The following PPP1R42 variants were observed in gnomAD, a reference collection of about 807,000 sequenced individuals.
PPP1R42 encodes the protein leucine rich repeat containing 67.
A neutral mutation model predicts 31.0 loss-of-function variants in PPP1R42; 34 were observed. The observed-to-expected ratio is 1.10, with a 90% CI of 0.83 to 1.46. PPP1R42 has a LOEUF of 1.46. PPP1R42 is among the 40% of genes most tolerant of loss of function. The pLI, the probability that PPP1R42 is intolerant of heterozygous loss-of-function variation, is 0.00. For missense variants in PPP1R42, 268 were observed against 303.0 expected (o/e 0.88, Z 0.86); for synonymous variants, 103 against 109.8 (o/e 0.94, Z 0.39).
intron 7 of PPP1R42, chr8:66,970,898 G>T: frequency 1.0e-6 from 1 of 979,954 alleles, no homozygotes; most frequent in Non-Finnish European, 1.6e-6. Flanking sequence ...AGATTGGATG[G>T]CCTCTGTTCC....
intron 5 of PPP1R42, among the ~76,000 whole-genome samples, chr8:66,996,024 A>G (rs892930771): frequency 2.2e-4 from 33 of 152,132 alleles, no homozygotes; most frequent in African/African-American, 7.5e-4. Context: ...TTATACTAAC[A>G]TTGTTAATTA....
Position 66,971,081 on chromosome 8 carries a change from T to C in PPP1R42, c.803-6747A>G, listed in dbSNP as rs780289622. On this transcript the variant is annotated intron_variant, in intron 7 of 7. Coordinates refer to ENST00000685739, the MANE Select transcript of PPP1R42 (RefSeq NM_001364910.1). The stretch of plus-strand genomic sequence containing the variant: ...TGTATTTCAGAGAAAAAGGCTAATT[T>C]TGGCTTACCCACCTGTGGGTAATAA... 9 of 1,534,438 alleles carry C rather than the reference T, an allele frequency of 5.9e-6. No individual in the cohort carries two copies. In the South Asian group the frequency reaches 1.1e-4, roughly 18 times the overall value.
At chr8:67,003,704 C>T (rs1431567779) in intron 5 of PPP1R42, among the ~76,000 whole-genome samples, 2 of 152,142 alleles carry the variant, frequency 1.3e-5, no homozygotes, top group Admixed American at 6.5e-5. Context: ...AATGTGTCCC[C>T]CAAAGTTCAT....
chr8:66,983,070 G>A (rs1387821032), intron 6 of PPP1R42, among the ~76,000 whole-genome samples: 1 of 151,812 alleles, frequency 6.6e-6, no homozygotes, highest in East Asian at 1.9e-4. Flanking sequence ...GATAGAAATT[G>A]CGCTTCATAA....
At chr8:66,964,547 G>T (rs1228984624) in intron 7 of PPP1R42, among the ~76,000 whole-genome samples, 1 of 152,128 alleles carries the variant, frequency 6.6e-6, no homozygotes, top group African/African-American at 2.4e-5. Context: ...TCTATGATTT[G>T]TGAGAGGTAT....
At chr8:66,976,798 C>T (rs1814688999) in intron 7 of PPP1R42, among the ~76,000 whole-genome samples, 1 of 151,926 alleles carries the variant, frequency 6.6e-6, no homozygotes, top group South Asian at 2.1e-4. Flanking sequence ...TTTCTTTATC[C>T]ATTCATCTGT....
chr8:66,970,871 A>G (rs1434503263), intron 7 of PPP1R42: 2 of 857,910 alleles, frequency 2.3e-6, no homozygotes, highest in Admixed American at 2.0e-5. Flanking sequence ...AGGATTGAGA[A>G]CAAAGAACTA....
chr8:67,022,600 C>A (rs1345273908), intron 1 of PPP1R42, among the ~76,000 whole-genome samples: 1 of 151,884 alleles, frequency 6.6e-6, no homozygotes, highest in East Asian at 1.9e-4. Context: ...TCCTTCCCTA[C>A]CTTAATTTCA....
chr8:66,982,381 T>TA (rs1814867557), intron 6 of PPP1R42, among the ~76,000 whole-genome samples: 1 of 152,218 alleles, frequency 6.6e-6, no homozygotes, highest in Admixed American at 6.5e-5. Flanking sequence ...CCAAAAAGAA[T>TA]ATGTGCTTGT....
chr8:66,973,537 C>T (rs889845242), intron 7 of PPP1R42, among the ~76,000 whole-genome samples: 5 of 152,182 alleles, frequency 3.3e-5, no homozygotes, highest in African/African-American at 1.2e-4. Flanking sequence ...AACTCCTGAC[C>T]TCAAGTGATC....
chr8:66,992,882 C>T (rs537240611), intron 5 of PPP1R42, among the ~76,000 whole-genome samples: 5 of 152,280 alleles, frequency 3.3e-5, no homozygotes, highest in African/African-American at 7.2e-5. Flanking sequence ...TCTCCCCTCC[C>T]GACTATAGGC....
chr8:67,007,315 C>T (rs1815716789), intron 5 of PPP1R42, among the ~76,000 whole-genome samples: 3 of 152,344 alleles, frequency 2.0e-5, no homozygotes, highest in East Asian at 3.9e-4. Flanking sequence ...TGCCCTCAGT[C>T]ACCTGTGGTC....
chr8:67,015,238 C>G (rs569377472), intron 2 of PPP1R42, among the ~76,000 whole-genome samples: 40 of 151,790 alleles, frequency 2.6e-4, no homozygotes, highest in Non-Finnish European at 4.4e-4. Flanking sequence ...AGGCTGGTCT[C>G]GAACTCCTGA....
chr8:67,028,401 G>T, intron 1 of PPP1R42, 90 bp downstream of exon 1: 1 of 679,200 alleles, frequency 1.5e-6, no homozygotes, highest in Non-Finnish European at 1.8e-6. Flanking sequence ...TTTAACAAAT[G>T]TCCCGGAAAG....
At chr8:66,984,975 A>C in intron 6 of PPP1R42, 5 of 1,553,176 alleles carry the variant, frequency 3.2e-6, no homozygotes, top group Non-Finnish European at 4.4e-6. Flanking sequence ...GATGTTCAAC[A>C]AGATTTGTGA....
At chr8:67,015,707 C>T (rs1469460765) in intron 2 of PPP1R42, among the ~76,000 whole-genome samples, 1 of 149,848 alleles carries the variant, frequency 6.7e-6, no homozygotes, top group African/African-American at 2.5e-5. Flanking sequence ...TATAGGCATG[C>T]GCCACCATGC....
chr8:67,014,111 T>C (rs1228844517), intron 3 of PPP1R42, among the ~76,000 whole-genome samples: 1 of 152,224 alleles, frequency 6.6e-6, no homozygotes, highest in Non-Finnish European at 1.5e-5. Flanking sequence ...TAAGTATCCC[T>C]ATTAGCACTT....
chr8:66,982,136 G>T lies in PPP1R42; in HGVS notation c.715C>A (p.Leu239Ile). The T allele has an allele frequency of 6.8e-7, 1 of 1,470,046 alleles. No homozygotes were observed. The highest frequency in any genetic ancestry group is 8.9e-7 in the Non-Finnish European group (1 of 1,123,030). The allele number at this position is 1,470,046 out of a possible 1,614,324, so 91.1% of individuals were successfully genotyped here. A position where few individuals can be genotyped will look rare whatever the true frequency, so the allele number is the denominator to read the frequency against. Residue 239 changes from leucine (L) to isoleucine (I), a missense_variant, in exon 7 of 8, where the codon CTA (leucine) becomes ATA (isoleucine). Coordinates refer to ENST00000685739, the MANE Select transcript of PPP1R42 (RefSeq NM_001364910.1). The part of the protein sequence containing the change: ...KEIKNIERQF[L>I]MNWKASKDAK... ...TCTTTGGATGCTTTCCAATTCATTA[G>T]GAATTGTCTTTCTATATTTTTAATT...
At position 66,964,203 on chromosome 8, in the gene PPP1R42, C is replaced by T. The variant is rs1814320513; in HGVS notation, c.*118G>A. On this transcript the variant is annotated 3_prime_UTR_variant, in exon 8 of 8. Transcript: ENST00000685739. Reference sequence around the variant, plus strand: ...AGGTTAAAAACAAAATCAAACGTTTCCTGTCACTTGAGGCTGAATTTACTC... The same window carrying T: ...AGGTTAAAAACAAAATCAAACGTTTTCTGTCACTTGAGGCTGAATTTACTC... 2 of 629,878 alleles carry T rather than the reference C, an allele frequency of 3.2e-6. No homozygotes were observed. Among genetic ancestry groups the T allele is most frequent in the Non-Finnish European group, 2.6e-6 (1 of 387,524 alleles). 39.0% of individuals were successfully genotyped at this position (629,878 alleles called of 1,614,324 possible).
Sources: gnomAD v4.1 joint callset for allele counts (sites outside exome capture counted in the v4.1 genomes callset) on GRCh38, gnomAD v4.1.1 for gene constraint, MANE v1.5 for transcripts, NCBI Gene and HGNC (gene_info 2026-07-23, HGNC 2026-07-21) for gene names.